Variants in MFHAS1 observed in about 807,000 individuals in gnomAD.
MFHAS1 encodes the protein malignant fibrous histiocytoma-amplified sequence 1.
A neutral mutation model predicts 70.4 loss-of-function variants in MFHAS1; 50 were observed. The ratio of observed to expected loss-of-function variants is 0.71; its 90% CI spans 0.57 to 0.90. The LOEUF is 0.90. Among genes scored for constraint, MFHAS1 ranks in the 40% least tolerant of loss-of-function variants. The pLI, the probability that MFHAS1 is intolerant of heterozygous loss-of-function variation, is 0.00. For synonymous variants in MFHAS1, 952 were observed against 620.0 expected (o/e 1.54, Z -7.96); for missense variants, 1,795 against 1,347.6 (o/e 1.33, Z -5.20).
In MFHAS1 at chr8:8,784,148, C is replaced by T. The variant is rs1303051992; in HGVS notation, c.*1874G>A. ...TTAGCCCAAAATCATACAAATAAGC[C>T]TTTTTCTAAAGACAGGTCAAAGTTG... On this transcript the variant is annotated 3_prime_UTR_variant, in exon 3 of 3. Transcript: ENST00000276282. The T allele has an allele frequency of 1.3e-5, 2 of 152,070 alleles. No individual in the cohort carries two copies. The highest frequency in any genetic ancestry group is 2.9e-5 in the Non-Finnish European group (2 of 68,020). 9.4% of individuals were successfully genotyped at this position (152,070 alleles called of 1,614,324 possible). A position where few individuals can be genotyped will look rare whatever the true frequency, so the allele number is the denominator to read the frequency against.
At chr8:8,875,481 A>G (rs765573597) in intron 1 of MFHAS1, among the ~76,000 whole-genome samples, 1 of 152,252 alleles carries the variant, frequency 6.6e-6, no homozygotes, top group Non-Finnish European at 1.5e-5. Context: ...ATAACTACAT[A>G]TTTTTAAAAC....
rs1251857424 is a variant in MFHAS1 at position 8,872,007 on chromosome 8, A to C, written c.2998+18054T>G. Among the ~76,000 whole-genome samples, 3 of 152,200 alleles carry C rather than the reference A, an allele frequency of 2.0e-5. No individual in the cohort carries two copies. In the East Asian group the frequency reaches 5.8e-4, roughly 29 times the overall value. ...CTGCCCCATTCCAGAAATGAGCTAA[A>C]TCAAAGGAGGGAGAAGGAAGGAAGA... On this transcript the variant is annotated intron_variant, in intron 1 of 2. Transcript: ENST00000276282.
intron 1 of MFHAS1, among the ~76,000 whole-genome samples, chr8:8,871,247 T>C (rs1422297756): frequency 6.6e-6 from 1 of 152,116 alleles, no homozygotes; most frequent in Non-Finnish European, 1.5e-5. Context: ...GAGCCCTTAT[T>C]ATATGGTAAA....
At chr8:8,881,363 G>C (rs766292100) in intron 1 of MFHAS1, among the ~76,000 whole-genome samples, 1 of 152,198 alleles carries the variant, frequency 6.6e-6, no homozygotes, top group Non-Finnish European at 1.5e-5. Context: ...CCATCATATA[G>C]AGTACACATG....
intron 1 of MFHAS1, among the ~76,000 whole-genome samples, chr8:8,853,475 A>AG (rs1417372890): frequency 9.2e-5 from 14 of 151,366 alleles, no homozygotes; most frequent in African/African-American, 3.2e-4. Context: ...TTAAAAAAAA[A>AG]AAAAAAAAAA....
At position 8,892,260 on chromosome 8, in the gene MFHAS1, C is replaced by G; in HGVS notation, c.799G>C (p.Ala267Pro). ...LDNNGLQALP[A>P]QFSCLQRLKM... is the part of the protein sequence containing the mutation. ...AGCCGCTGCAGGCAGCTGAACTGGG[C>G]GGGCAGAGCCTGCAGCCCGTTGTTG... is the stretch of plus-strand genomic sequence containing the variant. The change falls in exon 1 of 3, where the codon GCC (alanine) becomes CCC (proline). Residue 267 changes from alanine to proline, a missense_variant. Ala to Pro is a conservative substitution (Grantham distance 27). Coordinates refer to ENST00000276282, the MANE Select transcript of MFHAS1 (RefSeq NM_004225.3). The surrounding 1 kb of genome is among the most constrained non-coding windows in gnomAD (Gnocchi z 4.7). 1 of 1,612,044 alleles carries G rather than the reference C, an allele frequency of 6.2e-7. No individual in the cohort carries two copies. The highest frequency in any genetic ancestry group is 8.5e-7 in the Non-Finnish European group (1 of 1,180,022).
chr8:8,837,412 G>A (rs146908214), intron 1 of MFHAS1, among the ~76,000 whole-genome samples: 67 of 152,268 alleles, frequency 4.4e-4, no homozygotes, highest in Non-Finnish European at 8.1e-4. Flanking sequence ...AGGCAAGGCG[G>A]GCGGATCACT....
chr8:8,813,089 A>G (rs60315134), intron 1 of MFHAS1, among the ~76,000 whole-genome samples: 68,428 of 152,056 alleles, frequency 0.45, 16,606 homozygotes, highest in East Asian at 0.78. Context: ...CTTTTCGAGC[A>G]ATGGTAGACC....
chr8:8,859,889 G>A (rs1808598087), intron 1 of MFHAS1: 1 of 152,160 alleles, frequency 6.6e-6, no homozygotes, highest in South Asian at 2.1e-4. Context: ...AGGGTCAACT[G>A]TATTTTTTAC....
intron 1 of MFHAS1, among the ~76,000 whole-genome samples, chr8:8,821,331 T>TCCACCC (rs1292841196): frequency 6.6e-6 from 1 of 152,326 alleles, no homozygotes; most frequent in Admixed American, 6.5e-5. Flanking sequence ...TAAGCCTATT[T>TCCACCC]CCACCCTGCA....
chr8:8,856,267 G>C (rs932728420), intron 1 of MFHAS1, among the ~76,000 whole-genome samples: 1 of 152,228 alleles, frequency 6.6e-6, no homozygotes, highest in African/African-American at 2.4e-5. Flanking sequence ...AGCCAGGACA[G>C]TGCTGGAGAG....
At chr8:8,830,898 A>G (rs200115770) in intron 1 of MFHAS1, among the ~76,000 whole-genome samples, 2 of 152,146 alleles carry the variant, frequency 1.3e-5, no homozygotes, top group Admixed American at 6.5e-5. Context: ...TGCCCAGCCA[A>G]TATTCTCAGT....
At chr8:8,855,142 G>C (rs569007906) in intron 1 of MFHAS1, among the ~76,000 whole-genome samples, 6 of 152,238 alleles carry the variant, frequency 3.9e-5, no homozygotes, top group South Asian at 4.1e-4. Flanking sequence ...CTTGTTGAGA[G>C]AGGTCTCGCC....
intron 1 of MFHAS1, among the ~76,000 whole-genome samples, chr8:8,862,130 C>A (rs1808689542): frequency 6.6e-6 from 1 of 152,202 alleles, no homozygotes; most frequent in Non-Finnish European, 1.5e-5. Context: ...AATGCTGTAT[C>A]ATTTTCCACT....
chr8:8,791,111 C>G (rs1427818036), intron 2 of MFHAS1, among the ~76,000 whole-genome samples: 1 of 146,182 alleles, frequency 6.8e-6, no homozygotes, highest in Non-Finnish European at 1.5e-5. Context: ...CATTTTCAAA[C>G]CACCACCCCA....
chr8:8,831,298 C>G (rs1807378303), intron 1 of MFHAS1, among the ~76,000 whole-genome samples: 1 of 152,084 alleles, frequency 6.6e-6, no homozygotes, highest in Admixed American at 6.6e-5. Context: ...AGTCACAAAT[C>G]AGTCCCAAGC....
At chr8:8,829,651 A>C (rs1807295777) in intron 1 of MFHAS1, among the ~76,000 whole-genome samples, 1 of 152,236 alleles carries the variant, frequency 6.6e-6, no homozygotes, top group African/African-American at 2.4e-5. Flanking sequence ...ACTGCACTTC[A>C]GCCTGGGCGA....
chr8:8,856,590 T>G (rs1027263629), intron 1 of MFHAS1, among the ~76,000 whole-genome samples: 2 of 152,170 alleles, frequency 1.3e-5, no homozygotes, highest in Non-Finnish European at 2.9e-5. Flanking sequence ...AGACTCTAAA[T>G]TGGGAAATTA....
chr8:8,799,021 C>G (rs1460782389), intron 1 of MFHAS1, among the ~76,000 whole-genome samples: 2 of 151,554 alleles, frequency 1.3e-5, no homozygotes, highest in Non-Finnish European at 2.9e-5. Context: ...GCACTCCAGC[C>G]TGGGCGACAG....
Sources: allele counts gnomAD v4.1 joint callset (sites outside exome capture counted in the v4.1 genomes callset), GRCh38; gene constraint gnomAD v4.1.1; non-coding constraint Gnocchi (gnomAD v3.1); transcripts MANE v1.5; gene names NCBI Gene and HGNC (gene_info 2026-07-23, HGNC 2026-07-21).